The following MAF variants were observed in gnomAD, a reference collection of about 807,000 sequenced individuals.
The protein encoded by MAF is MAF bZIP transcription factor, also known as transcription factor Maf.
A neutral mutation model predicts 22.0 loss-of-function variants in MAF; 10 were observed. That is an observed-to-expected ratio of 0.45 (90% CI 0.28 to 0.77). The LOEUF (loss-of-function observed/expected upper bound fraction) is 0.77. MAF is among the 30% of genes least tolerant of loss of function. MAF has a pLI of 0.12. For synonymous variants in MAF, 337 were observed against 255.8 expected (o/e 1.32, Z -3.03); for missense variants, 544 against 548.4 (o/e 0.99, Z 0.08).
chr16:79,376,102 G>A, the MAF span, among the ~76,000 whole-genome samples: 3 of 129,254 alleles, frequency 2.3e-5, no homozygotes, highest in Admixed American at 2.3e-4. Flanking sequence ...TCTAAGTATT[G>A]TTGGAGAGAA....
At chr16:79,283,389 G>C in the MAF span, among the ~76,000 whole-genome samples, 5 of 152,118 alleles carry the variant, frequency 3.3e-5, no homozygotes, top group Non-Finnish European at 7.4e-5. Context: ...CTTTTTAAAA[G>C]CTTCTTAAAA....
chr16:79,395,032 T>C, the MAF span, among the ~76,000 whole-genome samples: 1 of 152,180 alleles, frequency 6.6e-6, no homozygotes, highest in African/African-American at 2.4e-5. Context: ...TATTCATTAC[T>C]CCAATGAATA....
chr16:79,261,057 G>A, the MAF span, among the ~76,000 whole-genome samples: 26 of 152,238 alleles, frequency 1.7e-4, no homozygotes, highest in South Asian at 4.1e-3. Flanking sequence ...GGCTGCAGGC[G>A]AGAAGCAGTG....
the MAF span, among the ~76,000 whole-genome samples, chr16:79,573,706 A>T: frequency 8.5e-5 from 13 of 152,366 alleles, no homozygotes; most frequent in East Asian, 9.6e-4. Context: ...GTCAGAGAAA[A>T]AAAGACGAAC....
the MAF span, among the ~76,000 whole-genome samples, chr16:79,389,587 T>C: frequency 1.3e-5 from 2 of 152,146 alleles, no homozygotes; most frequent in African/African-American, 4.8e-5. Context: ...TTTAGGTTTG[T>C]TTCTGTCTTG....
rs1913419793 is a variant in MAF, at chr16:79,594,852, T to C, written c.1119-299A>G. 3 of 1,226,306 alleles carry C rather than the reference T, an allele frequency of 2.4e-6. No homozygotes were observed. In the South Asian group the frequency reaches 6.2e-5, roughly 25 times the overall value. 76.0% of individuals were successfully genotyped at this position (1,226,306 alleles called of 1,614,324 possible). ...CAAACCTCATTTTTGCCAGCACCTT[T>C]GCATTTGATTTTCTAAAGTTTGGGG... On this transcript the variant is annotated intron_variant, in intron 1 of 1. Coordinates refer to ENST00000326043, the MANE Select transcript of MAF (RefSeq NM_005360.5).
At chr16:79,417,234 T>C in the MAF span, among the ~76,000 whole-genome samples, 1 of 152,188 alleles carries the variant, frequency 6.6e-6, no homozygotes, top group Admixed American at 6.5e-5. Flanking sequence ...CATTTCTTGC[T>C]TCCATCTTGA....
chr16:79,562,548 C>T, the MAF span, among the ~76,000 whole-genome samples: 18 of 152,308 alleles, frequency 1.2e-4, no homozygotes, highest in South Asian at 3.5e-3. Context: ...ACATCATCTA[C>T]ACCCTGGCTG....
chr16:79,221,497 T>G, the MAF span, among the ~76,000 whole-genome samples: 1 of 152,220 alleles, frequency 6.6e-6, no homozygotes, highest in African/African-American at 2.4e-5. Flanking sequence ...CTATATCTCA[T>G]GTTCAATCTG....
the MAF span, among the ~76,000 whole-genome samples, chr16:79,523,388 G>T: frequency 1.3e-5 from 2 of 152,214 alleles, no homozygotes; most frequent in African/African-American, 2.4e-5. Context: ...AGGAAATGAG[G>T]TTATGTTGAA....
the MAF span, among the ~76,000 whole-genome samples, chr16:79,495,685 C>G: frequency 6.6e-6 from 1 of 152,096 alleles, no homozygotes; most frequent in Non-Finnish European, 1.5e-5. Flanking sequence ...AGTTTTTATA[C>G]TATCTCAGAA....
chr16:79,384,281 T>C, the MAF span, among the ~76,000 whole-genome samples: 7 of 151,398 alleles, frequency 4.6e-5, no homozygotes, highest in African/African-American at 1.7e-4. Flanking sequence ...CCATCTATAC[T>C]AAAAACATAA....
At chr16:79,259,042 C>T in the MAF span, among the ~76,000 whole-genome samples, 2 of 152,158 alleles carry the variant, frequency 1.3e-5, no homozygotes, top group African/African-American at 4.8e-5. Context: ...AAAAATTCTC[C>T]TCCTTCTACA....
chr16:79,567,274 T>C, the MAF span, among the ~76,000 whole-genome samples: 2 of 151,886 alleles, frequency 1.3e-5, no homozygotes, highest in South Asian at 4.2e-4. Flanking sequence ...GCCAAGATCG[T>C]GCCATTGCAC....
chr16:79,439,812 G>A, the MAF span, among the ~76,000 whole-genome samples: 3 of 152,184 alleles, frequency 2.0e-5, no homozygotes, highest in Admixed American at 6.5e-5. Context: ...CAGCAGTCAC[G>A]GGATGGAAAC....
intron 1 of MAF, chr16:79,597,061 C>A (rs901014960): frequency 1.1e-5 from 12 of 1,057,446 alleles, no homozygotes; most frequent in Non-Finnish European, 1.4e-5. Context: ...AGTGGTATAG[C>A]AAAGACTACA....
At chr16:79,312,995 C>T in the MAF span, among the ~76,000 whole-genome samples, 2 of 152,148 alleles carry the variant, frequency 1.3e-5, no homozygotes, top group Admixed American at 1.3e-4. Flanking sequence ...AAGTTGCATG[C>T]AATTAAAAGC....
chr16:79,431,139 G>A, the MAF span, among the ~76,000 whole-genome samples: 1 of 152,114 alleles, frequency 6.6e-6, no homozygotes, highest in Middle Eastern at 3.2e-3. Flanking sequence ...GGATTCATGT[G>A]CAGGCTGGAT....
At chr16:79,335,100 G>A in the MAF span, among the ~76,000 whole-genome samples, 1 of 150,922 alleles carries the variant, frequency 6.6e-6, no homozygotes, top group Non-Finnish European at 1.5e-5. Context: ...CAGGAGAATT[G>A]CTTGAAACTG....
Sources: gnomAD v4.1 joint callset for allele counts (sites outside exome capture counted in the v4.1 genomes callset) on GRCh38, gnomAD v4.1.1 for gene constraint, MANE v1.5 for transcripts, NCBI Gene and HGNC (gene_info 2026-07-23, HGNC 2026-07-21) for gene names.